Variants in C14orf132 observed in about 807,000 individuals in gnomAD.
C14orf132 encodes chromosome 14 open reading frame 132.
In C14orf132, 6 loss-of-function variants were observed where a neutral mutation model predicts 5.8. The ratio of observed to expected loss-of-function variants is 1.03; its 90% confidence interval spans 0.57 to 2.04. The LOEUF is 2.04. C14orf132 is among the 30% of genes most tolerant of loss of function. C14orf132 has a pLI of 0.00. For synonymous variants in C14orf132, 51 were observed against 49.8 expected, an observed-to-expected ratio of 1.02 and a Z score of -0.10; for missense variants, 125 against 115.8, an observed-to-expected ratio of 1.08 and a Z score of -0.37.
At chr14:96,055,578 A>G (rs1256468687) in intron 1 of C14orf132, among the ~76,000 whole-genome samples, 1 of 152,194 alleles carries the variant, frequency 6.6e-6, no homozygotes, top group Non-Finnish European at 1.5e-5. Flanking sequence ...CAGCTTGGCC[A>G]CTGCTGAGCT....
In C14orf132 at chr14:96,086,695, A is replaced by G. The variant is rs980264501; in HGVS notation, c.212A>G (p.Asn71Ser). The G allele has an allele frequency of 1.3e-6, 2 of 1,536,048 alleles. No homozygotes were observed. The highest frequency in any genetic ancestry group is 1.7e-6 in the Non-Finnish European group (2 of 1,146,912). ...ATTGCCATCATAGCTACGCTGGGGAACATCGTGGTGGTGGGCGTGGTGTAT... is the reference window on the plus strand; with the variant it reads ...ATTGCCATCATAGCTACGCTGGGGAGCATCGTGGTGGTGGGCGTGGTGTAT... ...LWIAIIATLGNIVVVGVVYAF... is the reference protein window; with the variant it reads ...LWIAIIATLGSIVVVGVVYAF... The change falls in exon 2 of 2, where the codon AAC (asparagine) becomes AGC (serine). Residue 71 changes from asparagine (N) to serine (S), a missense_variant. Physicochemically the swap from Asn to Ser is conservative, Grantham distance 46 (BLOSUM62 1). Coordinates refer to ENST00000555004, the MANE Select transcript of C14orf132 (RefSeq NM_001252507.3).
chr14:96,081,881 T>A (rs1888041187), intron 1 of C14orf132, among the ~76,000 whole-genome samples: 2 of 152,180 alleles, frequency 1.3e-5, no homozygotes, highest in Non-Finnish European at 2.9e-5. Flanking sequence ...ATTACAGGCA[T>A]GAGTCACCGC....
intron 1 of C14orf132, among the ~76,000 whole-genome samples, chr14:96,070,858 A>G (rs1345405571): frequency 6.6e-6 from 1 of 152,052 alleles, no homozygotes; most frequent in Non-Finnish European, 1.5e-5. Context: ...TAGTTTCTCC[A>G]TCCCTAGGGT....
At position 96,093,423 on chromosome 14, in the gene C14orf132, T is replaced by C. The variant is rs561246104; in HGVS notation, c.*6688T>C. 6.6e-6 allele frequency: 1 copy of C among 152,398 alleles called. No homozygotes were observed. The highest frequency in any genetic ancestry group is 1.9e-4 in the East Asian group (1 of 5,194). 9.4% of individuals were successfully genotyped at this position (152,398 alleles called of 1,614,324 possible). Reference sequence around the variant, plus strand: ...CTGGGTAGCAGCCTTTGAGCAAATCTGCATCTTCTCTTATTTCTGACCTTT... The same window carrying C: ...CTGGGTAGCAGCCTTTGAGCAAATCCGCATCTTCTCTTATTTCTGACCTTT... On this transcript the variant is annotated 3_prime_UTR_variant, in exon 2 of 2. Coordinates refer to ENST00000555004, the MANE Select transcript of C14orf132 (RefSeq NM_001252507.3).
At chr14:96,063,953 C>T (rs1242916363) in intron 1 of C14orf132, among the ~76,000 whole-genome samples, 1 of 152,002 alleles carries the variant, frequency 6.6e-6, no homozygotes, top group African/African-American at 2.4e-5. Flanking sequence ...ATGCAAATGG[C>T]CAACAAACAT....
intron 1 of C14orf132, among the ~76,000 whole-genome samples, chr14:96,046,099 G>A (rs188124384): frequency 1.8e-3 from 276 of 152,258 alleles, no homozygotes; most frequent in Middle Eastern, 6.8e-3. Context: ...GAGTGTTCCA[G>A]CAGTTCCAGG....
chr14:96,089,702 C>A lies in C14orf132; in HGVS notation c.*2967C>A, dbSNP rs918561437. ...GGGTGCCGGTCCCCAAGGCCTGCCC[C>A]CTTCTTTAAGACTGAACTCAAGTCT... On this transcript the variant is annotated 3_prime_UTR_variant, in exon 2 of 2. Transcript: ENST00000555004. 6.6e-6 allele frequency: 1 copy of A among 152,310 alleles called. No homozygotes were observed. The highest frequency in any genetic ancestry group is 1.5e-5 in the Non-Finnish European group (1 of 68,142). The allele number at this position is 152,310 out of a possible 1,614,324, so 9.4% of individuals were successfully genotyped here.
At chr14:96,049,328 C>CTTTTA (rs996758823) in intron 1 of C14orf132, among the ~76,000 whole-genome samples, 1 of 150,502 alleles carries the variant, frequency 6.6e-6, no homozygotes, top group Non-Finnish European at 1.5e-5. Context: ...AGTGTTGAAG[C>CTTTTA]TTTTATTTTA....
intron 1 of C14orf132, among the ~76,000 whole-genome samples, chr14:96,056,420 C>T (rs543817422): frequency 1.3e-5 from 2 of 152,324 alleles, no homozygotes; most frequent in East Asian, 3.9e-4. Flanking sequence ...GGAACCTCCT[C>T]CTTCTCGCTG....
chr14:96,077,473 A>C (rs1280139771), intron 1 of C14orf132, among the ~76,000 whole-genome samples: 8 of 152,186 alleles, frequency 5.3e-5, no homozygotes, highest in Non-Finnish European at 4.4e-5. Context: ...CATCCTTATA[A>C]GAATAGGAAA....
intron 1 of C14orf132, among the ~76,000 whole-genome samples, chr14:96,075,592 G>T (rs140708811): frequency 6.6e-6 from 1 of 152,246 alleles, no homozygotes; most frequent in African/African-American, 2.4e-5. Context: ...TCAGATCCAG[G>T]AAGTTCCCTT....
chr14:96,057,894 G>A (rs1021556332), intron 1 of C14orf132, among the ~76,000 whole-genome samples: 1 of 152,094 alleles, frequency 6.6e-6, no homozygotes, highest in Non-Finnish European at 1.5e-5. Context: ...TTCCTGTCGC[G>A]GAGGTTGGAG....
Position 96,086,496 on chromosome 14 carries a change from T to C in C14orf132, c.28-15T>C. ...CCCCATGGCCCTGGATAATTCTCTC[T>C]CTCCTTCTTTGCAGCTGCCCATGAT... On this transcript the variant is annotated splice_polypyrimidine_tract_variant and intron_variant, in intron 1 of 1. Coordinates refer to ENST00000555004, the MANE Select transcript of C14orf132 (RefSeq NM_001252507.3). 1 of 1,535,712 alleles carries C rather than the reference T, an allele frequency of 6.5e-7. No homozygotes were observed.
At chr14:96,059,951 C>T (rs1310990924) in intron 1 of C14orf132, among the ~76,000 whole-genome samples, 2 of 152,196 alleles carry the variant, frequency 1.3e-5, no homozygotes, top group Non-Finnish European at 2.9e-5. Context: ...CTTCTTGGTG[C>T]CCACACCAGT....
chr14:96,048,159 G>T lies in C14orf132; in HGVS notation c.27+8632G>T, dbSNP rs150483533. Among the ~76,000 whole-genome samples, 549 of 152,324 alleles carry T rather than the reference G, an allele frequency of 3.6e-3. 1 individual carries two copies. The highest frequency in any genetic ancestry group is 0.02 in the Middle Eastern group (6 of 294). ...GCTGAGATCGAGCCATTGCACTCCA[G>T]CCTGGGTGACAGAGTGAAACTCCAT... On this transcript the variant is annotated intron_variant, in intron 1 of 1. Coordinates refer to ENST00000555004, the MANE Select transcript of C14orf132 (RefSeq NM_001252507.3).
At chr14:96,044,262 C>G (rs1242937845) in intron 1 of C14orf132, among the ~76,000 whole-genome samples, 1 of 152,234 alleles carries the variant, frequency 6.6e-6, no homozygotes, top group Non-Finnish European at 1.5e-5. Context: ...CAGCCTTAAT[C>G]TCCCAGGCTG....
Position 96,044,537 on chromosome 14 carries a change from T to A in C14orf132, c.27+5010T>A, listed in dbSNP as rs1019884300. ...CTCTATTAGTTTCCTAAGGCTGTGA[T>A]AAATTACTACAAACTGGGTGGTTTA... On this transcript the variant is annotated intron_variant, in intron 1 of 1. Transcript: ENST00000555004. Among the ~76,000 whole-genome samples, 11 of 152,308 alleles carry A rather than the reference T, an allele frequency of 7.2e-5. 1 individual carries two copies. Among genetic ancestry groups the A allele is most frequent in the East Asian group, 1.9e-4 (1 of 5,186 alleles).
chr14:96,088,002 G>A lies in C14orf132; in HGVS notation c.*1267G>A, dbSNP rs1888257915. 6.7e-6 allele frequency: 1 copy of A among 149,804 alleles called. No individual in the cohort carries two copies. The highest frequency in any genetic ancestry group is 1.5e-5 in the Non-Finnish European group (1 of 67,522). The allele number at this position is 149,804 out of a possible 1,614,324, so 9.3% of individuals were successfully genotyped here. A position where few individuals can be genotyped will look rare whatever the true frequency, so the allele number is the denominator to read the frequency against. ...GCAGCATCCCAGTGCAGATAGAGTG[G>A]GAAAGGTCCCAGAAGGGGGCTCACT... On this transcript the variant is annotated 3_prime_UTR_variant, in exon 2 of 2. Coordinates refer to ENST00000555004, the MANE Select transcript of C14orf132 (RefSeq NM_001252507.3).
chr14:96,060,460 C>T (rs1183953851), intron 1 of C14orf132, among the ~76,000 whole-genome samples: 2 of 152,146 alleles, frequency 1.3e-5, no homozygotes, highest in Non-Finnish European at 2.9e-5. Flanking sequence ...GTGTAGAGTT[C>T]CAGTGCCGTG....
Sources: allele counts gnomAD v4.1 joint callset (sites outside exome capture counted in the v4.1 genomes callset), GRCh38; gene constraint gnomAD v4.1.1; transcripts MANE v1.5; gene names NCBI Gene and HGNC (gene_info 2026-07-23, HGNC 2026-07-21).